HS6ST3: variants seen among roughly 807,000 people sequenced by gnomAD.
HS6ST3 encodes heparan-sulfate 6-O-sulfotransferase 3.
Under a neutral mutation model 36.7 loss-of-function variants are expected in HS6ST3, and 12 were observed. The ratio of observed to expected loss-of-function variants is 0.33; its 90% CI spans 0.21 to 0.53. HS6ST3 has a LOEUF of 0.53. Ranked by LOEUF, HS6ST3 falls within the 20% of genes least tolerant of loss-of-function variation. The probability of loss-of-function intolerance (pLI) is 0.95; values close to 1 mark genes in which losing one functional copy is unlikely to be tolerated. For missense variants in HS6ST3, 584 were observed against 640.9 expected (o/e 0.91, Z 0.96); for synonymous variants, 240 against 257.5 (o/e 0.93, Z 0.65).
chr13:96,295,807 A>G (rs988856024), intron 1 of HS6ST3, among the ~76,000 whole-genome samples: 3 of 152,220 alleles, frequency 2.0e-5, no homozygotes, highest in Non-Finnish European at 2.9e-5. Context: ...GGAACAGGAA[A>G]CATCAAGGTT....
chr13:96,755,489 C>T (rs560664438), intron 1 of HS6ST3, among the ~76,000 whole-genome samples: 9 of 152,178 alleles, frequency 5.9e-5, no homozygotes, highest in South Asian at 4.2e-4. Context: ...CTCAGCTTCC[C>T]GAGCAGCTGA....
rs1003576981 is a variant in HS6ST3 at position 96,178,800 on chromosome 13, C to G, written c.707+87231C>G. ...AGAATAGGGAAGGCTGGAATCACCCCCTGGGCACAGACACCACTGCCCCAT... is the reference window on the plus strand; with the variant it reads ...AGAATAGGGAAGGCTGGAATCACCCGCTGGGCACAGACACCACTGCCCCAT... On this transcript the variant is annotated intron_variant, in intron 1 of 1. Transcript: ENST00000376705. Among the ~76,000 whole-genome samples, 5 of 152,066 alleles carry G rather than the reference C, an allele frequency of 3.3e-5. No individual in the cohort carries two copies. In the South Asian group the frequency reaches 8.3e-4, roughly 25 times the overall value.
intron 1 of HS6ST3, among the ~76,000 whole-genome samples, chr13:96,226,520 C>CA (rs1371685208): frequency 0.011 from 1,614 of 151,954 alleles, 24 homozygotes; most frequent in African/African-American, 0.037. Context: ...AACTCCATCT[C>CA]AAAAAATAAT....
At position 96,123,155 on chromosome 13, in the gene HS6ST3, C is replaced by G. The variant is rs1402321932; in HGVS notation, c.707+31586C>G. On this transcript the variant is annotated intron_variant, in intron 1 of 1. Coordinates refer to ENST00000376705, the MANE Select transcript of HS6ST3 (RefSeq NM_153456.4). Reference sequence around the variant, plus strand: ...CCATATTTAACACATTGTGATGTCACCATGTTTCACAAGCTACTTGCTATC... The same window carrying G: ...CCATATTTAACACATTGTGATGTCAGCATGTTTCACAAGCTACTTGCTATC... Among the ~76,000 whole-genome samples the G allele has an allele frequency of 2.0e-5, 3 of 152,314 alleles. No individual in the cohort carries two copies. In the South Asian group the frequency reaches 6.2e-4, roughly 32 times the overall value.
chr13:96,411,945 G>A (rs1255715589), intron 1 of HS6ST3, among the ~76,000 whole-genome samples: 1 of 152,164 alleles, frequency 6.6e-6, no homozygotes, highest in African/African-American at 2.4e-5. Context: ...ATTAGAAGGA[G>A]AAGCAGATTA....
At chr13:96,801,834 C>A (rs1418200960) in intron 1 of HS6ST3, among the ~76,000 whole-genome samples, 1 of 152,026 alleles carries the variant, frequency 6.6e-6, no homozygotes, top group Non-Finnish European at 1.5e-5. Context: ...TGGCAGGAAA[C>A]AACAGAGAAC....
Position 96,090,840 on chromosome 13 carries a change from C to A in HS6ST3, c.-23C>A. On this transcript the variant is annotated 5_prime_UTR_variant, in exon 1 of 2. Coordinates refer to ENST00000376705, the MANE Select transcript of HS6ST3 (RefSeq NM_153456.4). Reference sequence around the variant, plus strand: ...TGCCGCCGCCGCCGCCGCCGCTTCGCCTGCCGGCCTGAGAGCGGGACCATG... The same window carrying A: ...TGCCGCCGCCGCCGCCGCCGCTTCGACTGCCGGCCTGAGAGCGGGACCATG... 6.8e-7 allele frequency: 1 copy of A among 1,475,694 alleles called. No homozygotes were observed. Among genetic ancestry groups the A allele is most frequent in the Non-Finnish European group, 9.0e-7 (1 of 1,108,260 alleles). 91.4% of individuals were successfully genotyped at this position (1,475,694 alleles called of 1,614,324 possible). A position where few individuals can be genotyped will look rare whatever the true frequency, so the allele number is the denominator to read the frequency against.
intron 1 of HS6ST3, among the ~76,000 whole-genome samples, chr13:96,623,601 T>TC (rs1469769219): frequency 6.6e-6 from 1 of 152,100 alleles, no homozygotes; most frequent in Non-Finnish European, 1.5e-5. Flanking sequence ...TTCAGCCCCC[T>TC]CCTGCCCCAC....
chr13:96,717,937 C>T (rs955391333), intron 1 of HS6ST3, among the ~76,000 whole-genome samples: 7 of 152,258 alleles, frequency 4.6e-5, no homozygotes, highest in South Asian at 2.1e-4. Flanking sequence ...CAGATTTTCG[C>T]GCACTGAGGA....
intron 1 of HS6ST3, among the ~76,000 whole-genome samples, chr13:96,328,640 C>A (rs11620196): frequency 0.013 from 1,992 of 151,568 alleles, 19 homozygotes; most frequent in East Asian, 0.048. Context: ...GTCTAAAATT[C>A]TCTTTTTTGG....
At chr13:96,708,197 G>A (rs2138458590) in intron 1 of HS6ST3, among the ~76,000 whole-genome samples, 1 of 152,322 alleles carries the variant, frequency 6.6e-6, no homozygotes, top group South Asian at 2.1e-4. Context: ...CAACTTCATA[G>A]TGTGTTTGTG....
intron 1 of HS6ST3, among the ~76,000 whole-genome samples, chr13:96,548,967 C>T (rs3848012): frequency 0.39 from 58,806 of 152,124 alleles, 13,820 homozygotes; most frequent in Admixed American, 0.51. Context: ...CAAATTGACA[C>T]ATACAATCAA....
intron 1 of HS6ST3, among the ~76,000 whole-genome samples, chr13:96,296,136 C>G (rs538189174): frequency 6.6e-6 from 1 of 152,234 alleles, no homozygotes; most frequent in South Asian, 2.1e-4. Context: ...TCTGGTGGCT[C>G]CTGCATTGGG....
intron 1 of HS6ST3, among the ~76,000 whole-genome samples, chr13:96,587,187 T>C (rs1366562694): frequency 2.0e-5 from 3 of 152,174 alleles, no homozygotes; most frequent in Admixed American, 6.5e-5. Flanking sequence ...GTTTTTGTTC[T>C]TGTAGCTTTG....
At chr13:96,342,995 C>T (rs1348634762) in intron 1 of HS6ST3, among the ~76,000 whole-genome samples, 1 of 152,206 alleles carries the variant, frequency 6.6e-6, no homozygotes, top group Non-Finnish European at 1.5e-5. Context: ...TCTCTGTTCT[C>T]TTAAAGGGTC....
chr13:96,468,078 T>A (rs2055823100), intron 1 of HS6ST3, among the ~76,000 whole-genome samples: 2 of 152,338 alleles, frequency 1.3e-5, no homozygotes, highest in East Asian at 3.9e-4. Flanking sequence ...CTAAGGGCTA[T>A]GTTTTCCTAA....
intron 1 of HS6ST3, among the ~76,000 whole-genome samples, chr13:96,752,351 G>A (rs1203154705): frequency 6.6e-6 from 1 of 152,088 alleles, no homozygotes; most frequent in East Asian, 1.9e-4. Flanking sequence ...CATTCTCGGG[G>A]TGTGCACATG....
chr13:96,450,438 T>G (rs2055722064), intron 1 of HS6ST3, among the ~76,000 whole-genome samples: 1 of 152,224 alleles, frequency 6.6e-6, no homozygotes, highest in South Asian at 2.1e-4. Flanking sequence ...ATCTGTTTAT[T>G]TTCAGATAAA....
chr13:96,140,003 T>C (rs1361181148), intron 1 of HS6ST3, among the ~76,000 whole-genome samples: 1 of 151,944 alleles, frequency 6.6e-6, no homozygotes, highest in African/African-American at 2.4e-5. Context: ...TGGGACAATT[T>C]GAAAAAACTC....
Sources: gnomAD v4.1 joint callset for allele counts (sites outside exome capture counted in the v4.1 genomes callset) on GRCh38, gnomAD v4.1.1 for gene constraint, MANE v1.5 for transcripts, NCBI Gene and HGNC (gene_info 2026-07-23, HGNC 2026-07-21) for gene names.